CADM2: variants seen among roughly 807,000 people sequenced by gnomAD.
CADM2 encodes the protein cell adhesion molecule 2.
Under a neutral mutation model 49.8 loss-of-function variants are expected in CADM2, and 12 were observed. That is an observed-to-expected ratio of 0.24 (90% CI 0.15 to 0.39). The LOEUF (loss-of-function observed/expected upper bound fraction) is 0.39, where lower values mean the gene tolerates loss of function less well. CADM2 is among the 10% of genes least tolerant of loss of function. The pLI is 1.00. For missense variants in CADM2, 378 were observed against 492.3 expected (o/e 0.77, Z 2.20); for synonymous variants, 214 against 175.4 (o/e 1.22, Z -1.74).
At chr3:85,063,572 G>A (rs1680464883) in intron 1 of CADM2, among the ~76,000 whole-genome samples, 2 of 152,018 alleles carry the variant, frequency 1.3e-5, no homozygotes, top group African/African-American at 4.8e-5. Flanking sequence ...TGAATTGTGA[G>A]TGAGAATGAA....
At chr3:85,342,267 C>T (rs938746820) in intron 1 of CADM2, among the ~76,000 whole-genome samples, 38 of 152,082 alleles carry the variant, frequency 2.5e-4, no homozygotes, top group Admixed American at 3.3e-4. Flanking sequence ...AAAAAATGCT[C>T]ATCATCACTG....
intron 1 of CADM2, among the ~76,000 whole-genome samples, chr3:85,656,647 A>C (rs1359586377): frequency 1.3e-5 from 2 of 152,154 alleles, no homozygotes; most frequent in South Asian, 2.1e-4. Flanking sequence ...AACAATAATA[A>C]ATAAGTAAAT....
At chr3:85,322,138 C>T (rs1027180198) in intron 1 of CADM2, among the ~76,000 whole-genome samples, 6 of 152,152 alleles carry the variant, frequency 3.9e-5, no homozygotes, top group Non-Finnish European at 5.9e-5. Context: ...AAATAACCAA[C>T]AGTCCCAGTG....
At chr3:85,808,905 T>C (rs1347603787) in intron 3 of CADM2, among the ~76,000 whole-genome samples, 1 of 151,752 alleles carries the variant, frequency 6.6e-6, no homozygotes, top group African/African-American at 2.4e-5. Flanking sequence ...AGAAGAAAAA[T>C]GAGATGAACC....
intron 7 of CADM2, among the ~76,000 whole-genome samples, chr3:85,947,929 A>G (rs1722940566): frequency 1.3e-5 from 2 of 151,652 alleles, no homozygotes; most frequent in South Asian, 2.1e-4. Context: ...TCTTGCAACA[A>G]AAAGCCAATT....
At chr3:85,695,246 T>C (rs1209915061) in intron 1 of CADM2, among the ~76,000 whole-genome samples, 1 of 152,162 alleles carries the variant, frequency 6.6e-6, no homozygotes, top group Non-Finnish European at 1.5e-5. Context: ...ATGAATTGTA[T>C]AGTCATGAAA....
At chr3:85,381,437 A>G (rs1298825664) in intron 1 of CADM2, among the ~76,000 whole-genome samples, 1 of 147,900 alleles carries the variant, frequency 6.8e-6, no homozygotes, top group Non-Finnish European at 1.5e-5. Context: ...ATATATATAT[A>G]TAAAGAAAAT....
At chr3:85,738,155 A>G (rs1577198518) in intron 2 of CADM2, among the ~76,000 whole-genome samples, 1 of 107,908 alleles carries the variant, frequency 9.3e-6, no homozygotes, top group Non-Finnish European at 1.8e-5. Flanking sequence ...GAATCCCAGT[A>G]ACGTATATTC....
intron 1 of CADM2, among the ~76,000 whole-genome samples, chr3:85,458,571 A>C (rs1015577135): frequency 6.6e-6 from 1 of 152,180 alleles, no homozygotes; most frequent in Non-Finnish European, 1.5e-5. Flanking sequence ...AGGTAGGTAA[A>C]GATCAATTTG....
At chr3:85,573,162 TTTA>T (rs2062530962) in intron 1 of CADM2, among the ~76,000 whole-genome samples, 1 of 3,418 alleles carries the variant, frequency 2.9e-4, no homozygotes, top group Non-Finnish European at 8.3e-4. Context: ...GCTTATTTTA[TTTA>T]TTTATTTATT....
intron 1 of CADM2, among the ~76,000 whole-genome samples, chr3:84,960,991 TA>T (rs1279547313): frequency 2.0e-5 from 3 of 152,168 alleles, no homozygotes; most frequent in African/African-American, 7.2e-5. Context: ...ATTGATAGAA[TA>T]TTTTTTAAGC....
At chr3:85,601,508 T>C (rs2063403823) in intron 1 of CADM2, among the ~76,000 whole-genome samples, 1 of 151,494 alleles carries the variant, frequency 6.6e-6, no homozygotes, top group African/African-American at 2.4e-5. Flanking sequence ...AGAGTGTTTT[T>C]GTTTTTGTCA....
At chr3:85,863,109 C>T (rs566283072) in intron 3 of CADM2, among the ~76,000 whole-genome samples, 1 of 152,220 alleles carries the variant, frequency 6.6e-6, no homozygotes. Flanking sequence ...TAAATATAGG[C>T]ATTGTCAGCA....
At chr3:85,337,297 A>T (rs902172947) in intron 1 of CADM2, among the ~76,000 whole-genome samples, 1 of 151,054 alleles carries the variant, frequency 6.6e-6, no homozygotes, top group Non-Finnish European at 1.5e-5. Flanking sequence ...TATAATTTAA[A>T]TAGAATTTTA....
At chr3:85,029,021 A>G (rs2034861569) in intron 1 of CADM2, among the ~76,000 whole-genome samples, 1 of 151,880 alleles carries the variant, frequency 6.6e-6, no homozygotes. Flanking sequence ...CACGTATTTA[A>G]TACTATTATA....
At position 85,352,127 on chromosome 3, in the gene CADM2, G is replaced by A. The variant is rs561796526; in HGVS notation, c.62-374395G>A. ...AAAAGTGCAGGAAACTTATATTTTA[G>A]TTTGTGTTTTTTGAGGTTTCTTAAA... is the stretch of plus-strand genomic sequence containing the variant. On this transcript the variant is annotated intron_variant, in intron 1 of 9. Coordinates refer to ENST00000383699, the MANE Select transcript of CADM2 (RefSeq NM_001167675.2). 8.5e-5 allele frequency among the ~76,000 whole-genome samples: 13 copies of A among 152,150 alleles called. No homozygotes were observed. In the South Asian group the frequency reaches 2.7e-3, roughly 32 times the overall value.
chr3:85,475,112 G>T (rs1410306504), intron 1 of CADM2, among the ~76,000 whole-genome samples: 2 of 151,906 alleles, frequency 1.3e-5, no homozygotes, highest in African/African-American at 4.8e-5. Flanking sequence ...TTCCTCCCAT[G>T]GAGTCTGTTT....
Position 85,802,250 on chromosome 3 carries a change from C to T in CADM2, c.238+54C>T. On this transcript the variant is annotated intron_variant, in intron 3 of 9. Transcript: ENST00000383699. ...ATCGTATTCTAAAATATCCTAATTA[C>T]AATAAATTTATTTTTCTGAGATGAT... 4.8e-6 allele frequency: 7 copies of T among 1,455,330 alleles called. 1 individual carries two copies. The highest frequency in any genetic ancestry group is 2.7e-5 in the South Asian group (2 of 75,094). The allele number at this position is 1,455,330 out of a possible 1,614,324, so 90.2% of individuals were successfully genotyped here.
chr3:86,042,184 A>C (rs1049522940), intron 8 of CADM2, among the ~76,000 whole-genome samples: 6 of 152,106 alleles, frequency 3.9e-5, no homozygotes, highest in African/African-American at 1.4e-4. Context: ...GAAGCAAGAG[A>C]AAACACATTC....
Sources: gnomAD v4.1 joint callset for allele counts (sites outside exome capture counted in the v4.1 genomes callset) on GRCh38, gnomAD v4.1.1 for gene constraint, MANE v1.5 for transcripts, NCBI Gene and HGNC (gene_info 2026-07-23, HGNC 2026-07-21) for gene names.